Variants in MALRD1 observed in about 807,000 individuals in gnomAD.
MALRD1 encodes MAM and LDL receptor class A domain containing 1, also known as MAM and LDL-receptor class A domain-containing protein 1.
MALRD1 carries 247 observed loss-of-function variants against 242.1 expected under a neutral mutation model. The ratio of observed to expected loss-of-function variants is 1.02; its 90% CI spans 0.92 to 1.13. MALRD1 has a LOEUF of 1.13. Ranked by LOEUF, MALRD1 falls within the 50% of genes most tolerant of loss-of-function variation. The probability of loss-of-function intolerance (pLI) is 0.00; values close to 1 mark genes in which losing one functional copy is unlikely to be tolerated. For missense variants in MALRD1, 2,989 were observed against 2,533.1 expected (o/e 1.18, Z -3.86); for synonymous variants, 995 against 866.6 (o/e 1.15, Z -2.60).
At chr10:19,275,790 A>G (rs533909124) in intron 19 of MALRD1, among the ~76,000 whole-genome samples, 2 of 152,254 alleles carry the variant, frequency 1.3e-5, no homozygotes, top group East Asian at 1.9e-4. Flanking sequence ...AGAACATCAT[A>G]TATGTGTTTC....
intron 31 of MALRD1, among the ~76,000 whole-genome samples, chr10:19,527,724 A>G (rs1425706653): frequency 6.6e-6 from 1 of 152,206 alleles, no homozygotes; most frequent in African/African-American, 2.4e-5. Flanking sequence ...CACATCCAAT[A>G]TAGGATGAAT....
chr10:19,412,471 C>T (rs1360738828), intron 28 of MALRD1, among the ~76,000 whole-genome samples: 2 of 152,114 alleles, frequency 1.3e-5, no homozygotes, highest in Non-Finnish European at 2.9e-5. Context: ...GGGGCTGAAA[C>T]GTCTCTGATA....
At chr10:19,381,476 C>T in intron 26 of MALRD1, among the ~76,000 whole-genome samples, 1 of 152,092 alleles carries the variant, frequency 6.6e-6, no homozygotes, top group South Asian at 2.1e-4. Context: ...CTAAATAGCT[C>T]TCCTTTCAGA....
At chr10:19,608,171 A>T (rs770306734) in intron 35 of MALRD1, among the ~76,000 whole-genome samples, 1 of 152,130 alleles carries the variant, frequency 6.6e-6, no homozygotes, top group Admixed American at 6.6e-5. Context: ...GTAATTTAAG[A>T]TTATTAGCAT....
At chr10:19,057,048 T>G (rs1020358496) in intron 1 of MALRD1, among the ~76,000 whole-genome samples, 3 of 152,196 alleles carry the variant, frequency 2.0e-5, no homozygotes, top group African/African-American at 4.8e-5. Context: ...AATGCTTCTT[T>G]CAATGTGTTG....
At chr10:19,398,907 G>A (rs1846704087) in intron 28 of MALRD1, among the ~76,000 whole-genome samples, 1 of 152,186 alleles carries the variant, frequency 6.6e-6, no homozygotes. Flanking sequence ...TGCTGCCACA[G>A]CAAAGAGCTA....
At chr10:19,396,240 G>A (rs1032589112) in intron 28 of MALRD1, among the ~76,000 whole-genome samples, 1 of 147,844 alleles carries the variant, frequency 6.8e-6, no homozygotes, top group African/African-American at 2.5e-5. Context: ...TGGTTCAAGC[G>A]ATTCTCCTGC....
chr10:19,396,964 AT>A (rs1564304485), intron 28 of MALRD1, among the ~76,000 whole-genome samples: 1 of 152,130 alleles, frequency 6.6e-6, no homozygotes, highest in East Asian at 1.9e-4. Flanking sequence ...TTTTTAAATT[AT>A]TTTTAACTGA....
intron 28 of MALRD1, among the ~76,000 whole-genome samples, chr10:19,448,111 A>G (rs1835103111): frequency 6.6e-6 from 1 of 152,192 alleles, no homozygotes; most frequent in South Asian, 2.1e-4. Flanking sequence ...AGACATATTT[A>G]TTAGCATTAG....
At position 19,165,742 on chromosome 10, in the gene MALRD1, G is replaced by A. The variant is rs370680565; in HGVS notation, c.1762G>A (p.Glu588Lys). 13 of 1,231,672 alleles carry A rather than the reference G, an allele frequency of 1.1e-5. No individual in the cohort carries two copies. The South Asian group carries it at 2.5e-4, about 23-fold the overall frequency. The allele number at this position is 1,231,672 out of a possible 1,614,324, so 76.3% of individuals were successfully genotyped here. A position where few individuals can be genotyped will look rare whatever the true frequency, so the allele number is the denominator to read the frequency against. The change falls in exon 13 of 40, where the codon GAA becomes AAA. Residue 588 changes from glutamate (E) to lysine (K), a missense_variant. By Grantham distance (56) the Glu-to-Lys change is moderately conservative (BLOSUM62 1). Transcript: ENST00000454679. ...GCAGGGCAAAATAATCAGATTCTCC[G>A]AATCTCAGTGGAGCCACGCAAAAAT... ...QKQGKIIRFS[E>K]SQWSHAKIDL...
intron 36 of MALRD1, among the ~76,000 whole-genome samples, chr10:19,642,428 C>G (rs1840432885): frequency 6.6e-6 from 1 of 152,106 alleles, no homozygotes; most frequent in Non-Finnish European, 1.5e-5. Context: ...TTACTTGAAA[C>G]TCAGTCTGCC....
At chr10:19,308,171 G>A (rs928647187) in intron 21 of MALRD1, among the ~76,000 whole-genome samples, 2 of 151,100 alleles carry the variant, frequency 1.3e-5, no homozygotes, top group African/African-American at 2.4e-5. Flanking sequence ...CCTACATTTC[G>A]TCTAGACTCC....
intron 12 of MALRD1, among the ~76,000 whole-genome samples, chr10:19,157,476 T>C (rs1834208005): frequency 6.6e-6 from 1 of 152,062 alleles, no homozygotes; most frequent in African/African-American, 2.4e-5. Flanking sequence ...CTCGATCTCC[T>C]GACCTCGTGA....
intron 36 of MALRD1, among the ~76,000 whole-genome samples, chr10:19,625,287 T>C (rs1293381612): frequency 6.6e-6 from 1 of 151,238 alleles, no homozygotes; most frequent in Non-Finnish European, 1.5e-5. Context: ...AAAGGAAATC[T>C]AAAACTTAAC....
intron 33 of MALRD1, among the ~76,000 whole-genome samples, chr10:19,585,680 T>C (rs952756802): frequency 3.3e-5 from 5 of 152,180 alleles, no homozygotes; most frequent in African/African-American, 9.7e-5. Flanking sequence ...ATTTCAACTT[T>C]GGTGAATCTG....
chr10:19,348,973 C>G (rs1844248850), intron 25 of MALRD1, among the ~76,000 whole-genome samples: 1 of 152,090 alleles, frequency 6.6e-6, no homozygotes, highest in South Asian at 2.1e-4. Flanking sequence ...CCTTCCCTTC[C>G]CCTTCCCTTC....
At chr10:19,491,296 T>C (rs1467321128) in intron 29 of MALRD1, 2 of 706,800 alleles carry the variant, frequency 2.8e-6, no homozygotes, top group Non-Finnish European at 4.6e-6. Flanking sequence ...TTCAGCACCA[T>C]CAAAGTGCAT....
chr10:19,588,845 G>T (rs7078344), intron 33 of MALRD1, among the ~76,000 whole-genome samples: 2 of 151,874 alleles, frequency 1.3e-5, no homozygotes, highest in Admixed American at 1.3e-4. Flanking sequence ...GTTTCACCAC[G>T]CTGGCCAGGC....
At chr10:19,238,560 TATATA>T (rs1364421692) in intron 18 of MALRD1, among the ~76,000 whole-genome samples, 16 of 83,366 alleles carry the variant, frequency 1.9e-4, no homozygotes, top group African/African-American at 6.8e-4. Context: ...ATGTATATTA[TATATA>T]ATATACATAA....
Sources: gnomAD v4.1 joint callset for allele counts (sites outside exome capture counted in the v4.1 genomes callset) on GRCh38, gnomAD v4.1.1 for gene constraint, MANE v1.5 for transcripts, NCBI Gene and HGNC (gene_info 2026-07-23, HGNC 2026-07-21) for gene names.